The following SPATA7 variants were observed in gnomAD, a reference collection of about 807,000 sequenced individuals.
SPATA7 encodes spermatogenesis-associated protein 7.
In SPATA7, 43 loss-of-function variants were observed where a neutral mutation model predicts 51.8. The ratio of observed to expected loss-of-function variants is 0.83; its 90% CI spans 0.65 to 1.07. SPATA7 has a LOEUF of 1.07. Ranked by LOEUF, SPATA7 falls within the 50% of genes least tolerant of loss-of-function variation. The probability of loss-of-function intolerance (pLI) is 0.00; values close to 1 mark genes in which losing one functional copy is unlikely to be tolerated. For synonymous variants in SPATA7, 230 were observed against 252.8 expected, an observed-to-expected ratio of 0.91 and a Z score of 0.86; for missense variants, 683 against 701.3, an observed-to-expected ratio of 0.97 and a Z score of 0.30.
At chr14:88,440,791 A>G (rs1250261827), downstream of SPATA7, among the ~76,000 whole-genome samples, 6 of 152,016 alleles carry the variant, frequency 3.9e-5, no homozygotes, top group Non-Finnish European at 7.4e-5. Flanking sequence ...ATGAGCTTGC[A>G]TGATAAATAC....
intron 3 of SPATA7, among the ~76,000 whole-genome samples, chr14:88,451,936 T>G (rs907950625): frequency 6.6e-6 from 1 of 152,188 alleles, no homozygotes; most frequent in Non-Finnish European, 1.5e-5. Flanking sequence ...TTAGAGATTT[T>G]GTCTTGGTTT....
At chr14:88,461,998 T>C (rs1291434905) in intron 4 of SPATA7, among the ~76,000 whole-genome samples, 1 of 152,226 alleles carries the variant, frequency 6.6e-6, no homozygotes, top group East Asian at 1.9e-4. Context: ...TTTCAACCTG[T>C]TTGTTGGTCT....
At chr14:88,444,113 G>A (rs1182044746) in intron 3 of SPATA7, among the ~76,000 whole-genome samples, 1 of 151,786 alleles carries the variant, frequency 6.6e-6, no homozygotes, top group Non-Finnish European at 1.5e-5. Flanking sequence ...GTGTAAAAGT[G>A]TTCCTATTTC....
At chr14:88,460,409 C>G (rs1252976974) in intron 4 of SPATA7, among the ~76,000 whole-genome samples, 1 of 151,922 alleles carries the variant, frequency 6.6e-6, no homozygotes, top group South Asian at 2.1e-4. Flanking sequence ...TGTTCATTTC[C>G]TTTTACTCTT....
chr14:88,445,605 T>C (rs1349520533), intron 3 of SPATA7, among the ~76,000 whole-genome samples: 1 of 151,008 alleles, frequency 6.6e-6, no homozygotes, highest in Admixed American at 6.6e-5. Context: ...CCATTCAGTA[T>C]GATATTGGCT....
chr14:88,463,289 A>G (rs1217104715), intron 4 of SPATA7, among the ~76,000 whole-genome samples: 16 of 152,138 alleles, frequency 1.1e-4, no homozygotes, highest in Admixed American at 1.0e-3. Context: ...CCCACTTCAG[A>G]CAGTTTCATT....
chr14:88,429,225 C>G, intron 7 of SPATA7, 123 bp from the exon 8 acceptor site: 1 of 625,402 alleles, frequency 1.6e-6, no homozygotes, highest in Non-Finnish European at 2.9e-6. Context: ...TATTCTTTGT[C>G]GTACTGTATA....
chr14:88,422,323 A>C (rs2076668582), intron 5 of SPATA7, among the ~76,000 whole-genome samples: 1 of 152,174 alleles, frequency 6.6e-6, no homozygotes, highest in Non-Finnish European at 1.5e-5. Flanking sequence ...AAAGACCAGC[A>C]ATAGAGCTGC....
Position 88,396,156 on chromosome 14 carries a change from C to T in SPATA7, c.191C>T (p.Ala64Val). The T allele has an allele frequency of 6.2e-7, 1 of 1,607,878 alleles. No individual in the cohort carries two copies. The highest frequency in any genetic ancestry group is 1.1e-5 in the South Asian group (1 of 90,908). ...TTAAACTATTACCTTTCTCTTTCAG[C>T]TGCAGTAGACTGCTCGGTTCCAGTA... ...VHYNKILSAKAAVDCSVPVSV... is the reference protein window; with the variant it reads ...VHYNKILSAKVAVDCSVPVSV... Residue 64 changes from alanine to valine, a missense_variant and splice_region_variant, in exon 4 of 12, where the codon GCT becomes GTT. By Grantham distance (64) the Ala-to-Val change is moderately conservative. Transcript: ENST00000393545.
chr14:88,458,284 A>G (rs1450165929), downstream of SPATA7, among the ~76,000 whole-genome samples: 1 of 152,186 alleles, frequency 6.6e-6, no homozygotes, highest in Non-Finnish European at 1.5e-5. Context: ...ATGGATTGGA[A>G]TAGTTTCAGA....
At chr14:88,413,640 C>T (rs535316035) in intron 4 of SPATA7, among the ~76,000 whole-genome samples, 1 of 152,180 alleles carries the variant, frequency 6.6e-6, no homozygotes, top group South Asian at 2.1e-4. Context: ...AAGAGGAATG[C>T]TTCCAGCTTT....
chr14:88,403,853 C>G (rs1244307574), intron 4 of SPATA7, among the ~76,000 whole-genome samples: 1 of 152,080 alleles, frequency 6.6e-6, no homozygotes, highest in Non-Finnish European at 1.5e-5. Context: ...GTTAACAGTA[C>G]TGTATAATAT....
At chr14:88,391,714 C>T (rs1372659315) in intron 2 of SPATA7, 2 of 525,156 alleles carry the variant, frequency 3.8e-6, no homozygotes. Context: ...TCTACTTTTG[C>T]CAGGAAACTA....
intron 4 of SPATA7, among the ~76,000 whole-genome samples, chr14:88,463,317 C>A (rs1254416960): frequency 6.6e-6 from 1 of 152,202 alleles, no homozygotes; most frequent in Non-Finnish European, 1.5e-5. Flanking sequence ...TCCCTGCTCA[C>A]ATTATAAGGC....
chr14:88,464,086 G>A (rs59682675), intron 4 of SPATA7, among the ~76,000 whole-genome samples: 5,778 of 151,982 alleles, frequency 0.038, 361 homozygotes, highest in African/African-American at 0.13. Flanking sequence ...TGATCCACCC[G>A]CCTCGGCCTC....
intron 4 of SPATA7, among the ~76,000 whole-genome samples, chr14:88,414,072 G>A (rs1193754144): frequency 6.6e-6 from 1 of 152,046 alleles, no homozygotes; most frequent in Non-Finnish European, 1.5e-5. Context: ...CATAGATTGG[G>A]TTTCATAGAA....
chr14:88,417,124 A>C (rs1011634836), intron 5 of SPATA7, among the ~76,000 whole-genome samples: 2 of 152,174 alleles, frequency 1.3e-5, no homozygotes, highest in South Asian at 2.1e-4. Flanking sequence ...TATAGTTTGC[A>C]GACCCCAGTT....
downstream of SPATA7, among the ~76,000 whole-genome samples, chr14:88,458,929 T>C (rs2077301124): frequency 6.6e-6 from 1 of 152,328 alleles, no homozygotes; most frequent in East Asian, 1.9e-4. Flanking sequence ...GTGTCTTTGT[T>C]CTCACTGGTT....
chr14:88,447,831 G>A (rs1270956112), intron 3 of SPATA7, among the ~76,000 whole-genome samples: 1 of 152,136 alleles, frequency 6.6e-6, no homozygotes, highest in African/African-American at 2.4e-5. Flanking sequence ...CTTCTGGCTT[G>A]TAGAGTTTCT....
Sources: allele counts gnomAD v4.1 joint callset (sites outside exome capture counted in the v4.1 genomes callset), GRCh38; gene constraint gnomAD v4.1.1; transcripts MANE v1.5; gene names NCBI Gene and HGNC (gene_info 2026-07-23, HGNC 2026-07-21).